ANO3: variants seen among roughly 807,000 people sequenced by gnomAD.
ANO3 encodes the protein anoctamin-3.
A neutral mutation model predicts 144.8 loss-of-function variants in ANO3; 99 were observed. The ratio of observed to expected loss-of-function variants is 0.68; its 90% confidence interval spans 0.58 to 0.81. ANO3 has a LOEUF of 0.81. Ranked by LOEUF, ANO3 falls within the 30% of genes least tolerant of loss-of-function variation. The pLI is 0.00. For synonymous variants in ANO3, 414 were observed against 392.6 expected, an observed-to-expected ratio of 1.05 and a Z score of -0.64; for missense variants, 905 against 1,202.2, an observed-to-expected ratio of 0.75 and a Z score of 3.66.
chr11:26,631,555 G>A (rs7112236), intron 18 of ANO3, among the ~76,000 whole-genome samples: 104,196 of 151,506 alleles, frequency 0.69, 36,506 homozygotes, highest in Non-Finnish European at 0.78. Context: ...TTGCCATTTG[G>A]AAACTGGAAC....
Position 26,641,900 on chromosome 11 carries a change from A to C in ANO3, c.2146A>C (p.Ile716Leu), listed in dbSNP as rs1347367672. ...TTGGTCTGCTCTGTGATGTAGGTTG[A>C]TCCAGAACTGGTGGTCACGACATAA... ...NNFMELGYPL[I>L]QNWWSRHKIK... is the part of the protein sequence containing the mutation. Residue 716 changes from isoleucine to leucine, a missense_variant, in exon 22 of 27, where the codon ATC becomes CTC. This residue lies in a region of ANO3 where 597 missense variants were observed against 865.1 expected (regional missense o/e 0.69). Coordinates refer to ENST00000256737, the MANE Select transcript of ANO3 (RefSeq NM_031418.4). The C allele has an allele frequency of 6.2e-7, 1 of 1,614,038 alleles. No homozygotes were observed. The highest frequency in any genetic ancestry group is 1.7e-5 in the Admixed American group (1 of 60,018).
chr11:26,201,239 A>C (rs1851686469), intron 1 of ANO3, among the ~76,000 whole-genome samples: 1 of 152,130 alleles, frequency 6.6e-6, no homozygotes, highest in African/African-American at 2.4e-5. Context: ...TCAGTGAAAA[A>C]AGGAAAATAC....
chr11:26,566,007 A>G (rs997615904), intron 14 of ANO3: 35 of 1,117,122 alleles, frequency 3.1e-5, no homozygotes, highest in Middle Eastern at 3.1e-4. Flanking sequence ...AGAGATGGTA[A>G]TATCATATTT....
At chr11:26,504,829 G>A (rs1189986949) in intron 4 of ANO3, among the ~76,000 whole-genome samples, 1 of 149,656 alleles carries the variant, frequency 6.7e-6, no homozygotes, top group Non-Finnish European at 1.5e-5. Flanking sequence ...CGAGACCATG[G>A]TGAAACCCCA....
intron 17 of ANO3, among the ~76,000 whole-genome samples, chr11:26,622,157 G>T (rs987916902): frequency 2.0e-5 from 3 of 152,124 alleles, no homozygotes; most frequent in African/African-American, 7.2e-5. Context: ...GATGATGCAG[G>T]TTTGCAAATA....
chr11:26,280,976 G>GT (rs1305306800), intron 1 of ANO3, among the ~76,000 whole-genome samples: 3 of 152,170 alleles, frequency 2.0e-5, no homozygotes, highest in African/African-American at 7.2e-5. Context: ...GCCAAAATCA[G>GT]TAAGAACATG....
chr11:26,329,843 C>T (rs1013429335), upstream of ANO3, among the ~76,000 whole-genome samples: 1 of 148,018 alleles, frequency 6.8e-6, no homozygotes, highest in Middle Eastern at 3.3e-3. Flanking sequence ...GACGGAGTCT[C>T]GCTCTGTTTC....
intron 1 of ANO3, among the ~76,000 whole-genome samples, chr11:26,199,561 T>C (rs893116553): frequency 1.3e-5 from 2 of 152,198 alleles, no homozygotes; most frequent in African/African-American, 2.4e-5. Context: ...TATTTAACCA[T>C]CTGGTTAGGA....
At chr11:26,268,795 T>C (rs1188416623) in intron 1 of ANO3, among the ~76,000 whole-genome samples, 1 of 152,152 alleles carries the variant, frequency 6.6e-6, no homozygotes, top group East Asian at 1.9e-4. Flanking sequence ...AACATAGTTT[T>C]CTTAATTGCC....
chr11:26,492,306 A>G (rs1565058478), intron 4 of ANO3, among the ~76,000 whole-genome samples: 1 of 152,168 alleles, frequency 6.6e-6, no homozygotes, highest in African/African-American at 2.4e-5. Flanking sequence ...TTAAATGGTG[A>G]TGGCACAATC....
chr11:26,615,028 A>C (rs1852210461), intron 17 of ANO3, among the ~76,000 whole-genome samples: 1 of 151,522 alleles, frequency 6.6e-6, no homozygotes, highest in Non-Finnish European at 1.5e-5. Flanking sequence ...ATTCTATAAA[A>C]AGAATATAAC....
At chr11:26,423,935 C>T (rs896394155) in intron 1 of ANO3, among the ~76,000 whole-genome samples, 3 of 151,722 alleles carry the variant, frequency 2.0e-5, no homozygotes, top group Non-Finnish European at 1.5e-5. Flanking sequence ...CTTAACCTCT[C>T]CTAGTTTCAT....
At chr11:26,430,209 C>T (rs1265487908) in intron 1 of ANO3, among the ~76,000 whole-genome samples, 1 of 149,008 alleles carries the variant, frequency 6.7e-6, no homozygotes, top group African/African-American at 2.5e-5. Context: ...TGCAATGAAC[C>T]GAGATTGCAC....
At position 26,598,452 on chromosome 11, in the gene ANO3, G is replaced by T. The variant is rs773654127; in HGVS notation, c.1530+5G>T. ...ATCGAATGGGAAGAAGAGGAGGTAAGATGTTAGGATACAAGGAAATAGGGA... is the reference window on the plus strand; with the variant it reads ...ATCGAATGGGAAGAAGAGGAGGTAATATGTTAGGATACAAGGAAATAGGGA... On this transcript the variant is annotated splice_donor_5th_base_variant and intron_variant, in intron 15 of 26. Transcript: ENST00000256737. The T allele has an allele frequency of 1.3e-6, 2 of 1,566,840 alleles. No individual in the cohort carries two copies. Among genetic ancestry groups the T allele is most frequent in the African/African-American group, 2.7e-5 (2 of 72,780 alleles).
chr11:26,352,730 T>C (rs1032629112), intron 1 of ANO3, among the ~76,000 whole-genome samples: 1 of 152,256 alleles, frequency 6.6e-6, no homozygotes, highest in Non-Finnish European at 1.5e-5. Context: ...ATCACTAGTT[T>C]GTTGACTTAC....
intron 1 of ANO3, among the ~76,000 whole-genome samples, chr11:26,245,883 G>A (rs1011085102): frequency 2.0e-5 from 3 of 152,202 alleles, no homozygotes; most frequent in Non-Finnish European, 2.9e-5. Flanking sequence ...TAGTCCTGCA[G>A]AGCAGGCAAC....
intron 4 of ANO3, among the ~76,000 whole-genome samples, chr11:26,493,980 T>C (rs1248736931): frequency 6.6e-6 from 1 of 152,188 alleles, no homozygotes; most frequent in Non-Finnish European, 1.5e-5. Flanking sequence ...CTTGCTATGT[T>C]TGTAAAAGGA....
chr11:26,605,094 T>C (rs947236724), intron 17 of ANO3, among the ~76,000 whole-genome samples: 2 of 152,190 alleles, frequency 1.3e-5, no homozygotes, highest in Non-Finnish European at 2.9e-5. Context: ...GTTCCATCAG[T>C]ACCTATTTTA....
chr11:26,579,882 C>A (rs1851084450), intron 14 of ANO3, among the ~76,000 whole-genome samples: 1 of 152,032 alleles, frequency 6.6e-6, no homozygotes, highest in Non-Finnish European at 1.5e-5. Flanking sequence ...AGAACAGTTT[C>A]TTACACATGA....
Sources: gnomAD v4.1 joint callset for allele counts (sites outside exome capture counted in the v4.1 genomes callset) on GRCh38, gnomAD v4.1.1 for gene constraint, gnomAD v4.1.1 regional missense constraint, MANE v1.5 for transcripts, NCBI Gene and HGNC (gene_info 2026-07-23, HGNC 2026-07-21) for gene names.